The following STATH variants were observed in gnomAD, a reference collection of about 807,000 sequenced individuals.
STATH encodes the protein statherin.
Under a neutral mutation model 13.3 loss-of-function variants are expected in STATH, and 11 were observed. The observed-to-expected ratio is 0.83, with a 90% CI of 0.52 to 1.37. The LOEUF is 1.37. STATH is among the 40% of genes most tolerant of loss of function. The pLI, the probability that STATH is intolerant of heterozygous loss-of-function variation, is 0.00. For synonymous variants in STATH, 25 were observed against 23.6 expected (o/e 1.06, Z -0.17); for missense variants, 78 against 73.3 (o/e 1.06, Z -0.24).
At chr4:70,000,040 C>A in intron 4 of STATH, 1 of 533,098 alleles carries the variant, frequency 1.9e-6, no homozygotes, top group Non-Finnish European at 3.3e-6. Flanking sequence ...ACTCCCTGAG[C>A]CCTCAAGTAT....
At chr4:70,000,767 T>C (rs1423604354) in intron 4 of STATH, 96 bp from the exon 5 acceptor site, 1 of 875,308 alleles carries the variant, frequency 1.1e-6, no homozygotes, top group African/African-American at 1.7e-5. Flanking sequence ...AATATGTAAG[T>C]TCCTAAAACT....
At chr4:69,999,127 A>G (rs1311534204) in intron 2 of STATH, 9 of 152,992 alleles carry the variant, frequency 5.9e-5, no homozygotes, top group African/African-American at 2.2e-4. Context: ...TGACATTAGT[A>G]GGAAACTGGC....
intron 5 of STATH, among the ~76,000 whole-genome samples, chr4:70,001,653 TC>T (rs1724671881): frequency 6.6e-6 from 1 of 151,834 alleles, no homozygotes; most frequent in South Asian, 2.1e-4. Context: ...TGTTCTAAAT[TC>T]TATGAAAAAA....
intron 1 of STATH, among the ~76,000 whole-genome samples, chr4:69,997,949 C>T (rs557018160): frequency 3.0e-4 from 45 of 152,220 alleles, no homozygotes; most frequent in Middle Eastern, 3.4e-3. Context: ...TTATTTAAGG[C>T]GCCCCATAAT....
intron 4 of STATH, chr4:70,000,291 T>C (rs1724620757): frequency 6.2e-6 from 1 of 162,124 alleles, no homozygotes; most frequent in Admixed American, 5.9e-5. Context: ...TCCCAGTATG[T>C]TGACATATAA....
intron 1 of STATH, among the ~76,000 whole-genome samples, chr4:69,997,405 C>A (rs1013903757): frequency 6.6e-6 from 1 of 151,928 alleles, no homozygotes; most frequent in Non-Finnish European, 1.5e-5. Flanking sequence ...TGTTTTATCA[C>A]AAGTTATTGG....
intron 1 of STATH, among the ~76,000 whole-genome samples, chr4:69,997,210 T>C (rs4694263): frequency 0.083 from 12,679 of 152,074 alleles, 771 homozygotes; most frequent in East Asian, 0.19. Context: ...CCTTCCAAAG[T>C]GCTGTGATTA....
intron 1 of STATH, among the ~76,000 whole-genome samples, chr4:69,996,617 A>G (rs552694503): frequency 2.6e-5 from 4 of 152,200 alleles, no homozygotes; most frequent in South Asian, 4.1e-4. Context: ...GCAGAAAACA[A>G]AGATTTTACT....
chr4:70,000,005 T>A, intron 4 of STATH, 196 bp downstream of exon 4: 1 of 629,608 alleles, frequency 1.6e-6, no homozygotes, highest in Non-Finnish European at 2.7e-6. Context: ...TTGAAACTCA[T>A]AGTGCCAACC....
chr4:69,996,323 C>T (rs1328678782), intron 1 of STATH, among the ~76,000 whole-genome samples: 2 of 152,166 alleles, frequency 1.3e-5, no homozygotes, highest in Non-Finnish European at 2.9e-5. Context: ...TACGTACTGG[C>T]ATCTACTCTG....
At chr4:70,000,139 G>T in intron 4 of STATH, 1 of 244,240 alleles carries the variant, frequency 4.1e-6, no homozygotes, top group Admixed American at 5.0e-5. Context: ...CATAAAGGCT[G>T]ATAATTACAC....
intron 2 of STATH, chr4:69,998,837 A>C (rs140994060): frequency 0.011 from 1,898 of 170,090 alleles, 37 homozygotes; most frequent in African/African-American, 0.043. Flanking sequence ...AACTAGGTGC[A>C]CTTGAGTGGA....
chr4:70,001,002 A>AT lies in STATH; in HGVS notation c.*33+28dup, dbSNP rs35175206. 118 of 1,528,860 alleles carry AT rather than the reference A, an allele frequency of 7.7e-5. No individual in the cohort carries two copies. The highest frequency in any genetic ancestry group is 2.5e-4 in the East Asian group (11 of 44,360). The allele number at this position is 1,528,860 out of a possible 1,614,324, so 94.7% of individuals were successfully genotyped here. ...ATTGAGGTAAGATGGGTTTAGTGACATTTTTTTTACTTTCTGTATCAGTGC... is the reference window on the plus strand; with the variant it reads ...ATTGAGGTAAGATGGGTTTAGTGACATTTTTTTTTACTTTCTGTATCAGTGC... On this transcript the variant is annotated intron_variant, in intron 5 of 5. Transcript: ENST00000246895.
chr4:69,999,783 T>C lies in STATH; in HGVS notation c.76T>C (p.Phe26Leu). 1 of 1,612,130 alleles carries C rather than the reference T, an allele frequency of 6.2e-7. No individual in the cohort carries two copies. The highest frequency in any genetic ancestry group is 8.5e-7 in the Non-Finnish European group (1 of 1,178,914). Residue 26 changes from phenylalanine (F) to leucine (L), a missense_variant, in exon 4 of 6, where the codon TTT becomes CTT. Transcript: ENST00000246895. ...MIGADSSEEKFLRRIGRFGYG... is the reference protein window; with the variant it reads ...MIGADSSEEKLLRRIGRFGYG... ...AACTTTTCTTCATTTTTCACAGAAA[T>C]TTTTGCGTAGAATTGGAAGATTCGG...
rs1222437044 is a variant in STATH, at chr4:70,000,912, A to C, written c.152A>C (p.Gln51Pro). Residue 51 changes from glutamine to proline, a missense_variant, in exon 5 of 6, where the codon CAA (glutamine) becomes CCA (proline). Gln to Pro is a moderately conservative substitution (Grantham distance 76). Coordinates refer to ENST00000246895, the MANE Select transcript of STATH (RefSeq NM_003154.3). The stretch of plus-strand genomic sequence containing the variant: ...GTTCCAGAACAACCACTATACCCAC[A>C]ACCATACCAACCACAATACCAACAA... Reference protein sequence around the residue: ...QPVPEQPLYPQPYQPQYQQYT... With the variant: ...QPVPEQPLYPPPYQPQYQQYT... 6.2e-7 allele frequency: 1 copy of C among 1,612,226 alleles called. No homozygotes were observed. The highest frequency in any genetic ancestry group is 8.5e-7 in the Non-Finnish European group (1 of 1,178,614).
intron 1 of STATH, among the ~76,000 whole-genome samples, chr4:69,996,358 C>G (rs1037092908): frequency 6.6e-6 from 1 of 152,094 alleles, no homozygotes; most frequent in South Asian, 2.1e-4. Flanking sequence ...TACCTTTATT[C>G]GAAGTTCATA....
At chr4:69,998,833 G>A (rs901577869) in intron 2 of STATH, 13 of 170,870 alleles carry the variant, frequency 7.6e-5, no homozygotes, top group Non-Finnish European at 1.5e-4. Flanking sequence ...AATGAACTAG[G>A]TGCACTTGAG....
rs149574600 is a variant in STATH at position 69,996,577 on chromosome 4, C to T, written c.-16+552C>T. Among the ~76,000 whole-genome samples, 427 of 152,000 alleles carry T rather than the reference C, an allele frequency of 2.8e-3. 4 individuals are homozygous for T. Among genetic ancestry groups the T allele is most frequent in the African/African-American group, 9.8e-3 (407 of 41,480 alleles). ...TTTACTGCCTTACTGTTTTATATTA[C>T]TTAAGTTGTTTTCATTCAGTTGTGA... On this transcript the variant is annotated intron_variant, in intron 1 of 5. Transcript: ENST00000246895.
intron 4 of STATH, 45 bp downstream of exon 4, chr4:69,999,854 T>C: frequency 6.3e-7 from 1 of 1,599,376 alleles, no homozygotes; most frequent in Non-Finnish European, 8.6e-7. Flanking sequence ...TAAATTGTGT[T>C]CTCTGATTAC....
Sources: gnomAD v4.1 joint callset for allele counts (sites outside exome capture counted in the v4.1 genomes callset) on GRCh38, gnomAD v4.1.1 for gene constraint, MANE v1.5 for transcripts, NCBI Gene and HGNC (gene_info 2026-07-23, HGNC 2026-07-21) for gene names.